The following DDX10 variants were observed in gnomAD, a reference collection of about 807,000 sequenced individuals.
DDX10 encodes the protein DEAD-box helicase 10.
DDX10 carries 74 observed loss-of-function variants against 104.3 expected under a neutral mutation model. The ratio of observed to expected loss-of-function variants is 0.71; its 90% confidence interval spans 0.59 to 0.86. The LOEUF is 0.86. DDX10 is among the 40% of genes least tolerant of loss of function. The probability of loss-of-function intolerance (pLI) is 0.00; values close to 1 mark genes in which losing one functional copy is unlikely to be tolerated. For synonymous variants in DDX10, 351 were observed against 353.4 expected (o/e 0.99, Z 0.08); for missense variants, 952 against 1,040.0 (o/e 0.92, Z 1.16).
chr11:108,855,546 G>A (rs994312188), intron 16 of DDX10, among the ~76,000 whole-genome samples: 5 of 152,076 alleles, frequency 3.3e-5, no homozygotes, highest in African/African-American at 4.8e-5. Context: ...TGCAACCTCC[G>A]CCTCCCAGGT....
intron 13 of DDX10, among the ~76,000 whole-genome samples, chr11:108,778,066 C>T (rs1219864649): frequency 1.3e-5 from 2 of 152,214 alleles, no homozygotes; most frequent in African/African-American, 4.8e-5. Context: ...CATGGAAGAA[C>T]ATTGCATGCT....
intron 13 of DDX10, among the ~76,000 whole-genome samples, chr11:108,736,950 C>T (rs991309017): frequency 3.9e-5 from 6 of 152,160 alleles, no homozygotes; most frequent in African/African-American, 1.2e-4. Flanking sequence ...ATATAGGCTT[C>T]TGTAGGCACA....
At chr11:108,890,902 G>A (rs1426019482) in intron 16 of DDX10, among the ~76,000 whole-genome samples, 1 of 152,152 alleles carries the variant, frequency 6.6e-6, no homozygotes, top group Admixed American at 6.5e-5. Flanking sequence ...GCTCTGAACT[G>A]CTAGATGTGA....
chr11:108,928,435 C>T (rs1424971111), intron 17 of DDX10, among the ~76,000 whole-genome samples: 1 of 152,110 alleles, frequency 6.6e-6, no homozygotes, highest in Non-Finnish European at 1.5e-5. Context: ...AGACTGAATG[C>T]CTTGCCCACA....
At chr11:108,840,746 T>C (rs931452210) in intron 14 of DDX10, among the ~76,000 whole-genome samples, 2 of 152,242 alleles carry the variant, frequency 1.3e-5, no homozygotes, top group African/African-American at 4.8e-5. Flanking sequence ...TGGTATGTGA[T>C]TCATTGATCC....
At chr11:108,868,543 A>G (rs1304115056) in intron 16 of DDX10, among the ~76,000 whole-genome samples, 4 of 152,144 alleles carry the variant, frequency 2.6e-5, no homozygotes, top group African/African-American at 7.2e-5. Flanking sequence ...TTTTTATAAA[A>G]TGATGGTCAC....
At chr11:108,695,370 G>A (rs1056185264) in intron 9 of DDX10, among the ~76,000 whole-genome samples, 5 of 152,188 alleles carry the variant, frequency 3.3e-5, no homozygotes. Flanking sequence ...CTGGACCAAT[G>A]GTTGCTTCCA....
chr11:108,669,476 C>T (rs1441817060), intron 1 of DDX10, among the ~76,000 whole-genome samples: 2 of 152,068 alleles, frequency 1.3e-5, no homozygotes, highest in Non-Finnish European at 2.9e-5. Context: ...TGGGGAAATA[C>T]AGAGAGGTGA....
rs1302367984 is a variant in DDX10, at chr11:108,680,715, C to G, written c.848+1155C>G. ...TTTCTTCTTGCTCTGAAATGTTAGCCTAAAAAGAAATAGATTTGGAAAATG... is the reference window on the plus strand; with the variant it reads ...TTTCTTCTTGCTCTGAAATGTTAGCGTAAAAAGAAATAGATTTGGAAAATG... On this transcript the variant is annotated intron_variant, in intron 6 of 17. Coordinates refer to ENST00000322536, the MANE Select transcript of DDX10 (RefSeq NM_004398.4). 7.9e-5 allele frequency among the ~76,000 whole-genome samples: 12 copies of G among 151,998 alleles called. 1 individual carries two copies. The highest frequency in any genetic ancestry group is 7.9e-4 in the Admixed American group (12 of 15,260).
At chr11:108,847,534 C>T (rs916853148) in intron 15 of DDX10, among the ~76,000 whole-genome samples, 3 of 152,164 alleles carry the variant, frequency 2.0e-5, no homozygotes, top group Admixed American at 6.5e-5. Flanking sequence ...CAGCATTACT[C>T]TAGGTTCCAT....
rs185894770 is a variant in DDX10 at position 108,929,415 on chromosome 11, C to T, written c.2451-10831C>T. The T allele has an allele frequency of 7.2e-5, 11 of 152,278 alleles. No individual in the cohort carries two copies. In the East Asian group the frequency reaches 1.7e-3, roughly 24 times the overall value. 9.4% of individuals were successfully genotyped at this position (152,278 alleles called of 1,614,324 possible). A position where few individuals can be genotyped will look rare whatever the true frequency, so the allele number is the denominator to read the frequency against. ...ATCCTAGTGTTCTAAGCATGGTTTG[C>T]GTAGACAATTATTATTTAAATATTT... is the stretch of plus-strand genomic sequence containing the variant. On this transcript the variant is annotated intron_variant, in intron 17 of 17. Coordinates refer to ENST00000322536, the MANE Select transcript of DDX10 (RefSeq NM_004398.4).
At chr11:108,874,906 G>A (rs1248804549) in intron 16 of DDX10, among the ~76,000 whole-genome samples, 1 of 152,118 alleles carries the variant, frequency 6.6e-6, no homozygotes. Context: ...GAATCAGAAT[G>A]TCTGGGTTTG....
intron 17 of DDX10, among the ~76,000 whole-genome samples, chr11:108,934,975 G>T (rs1864019385): frequency 6.6e-6 from 1 of 152,030 alleles, no homozygotes; most frequent in Admixed American, 6.6e-5. Context: ...CCATTGAAAT[G>T]TTGCCTTTTT....
At chr11:108,771,694 ATTGTT>A (rs2094363393) in intron 13 of DDX10, among the ~76,000 whole-genome samples, 1 of 152,142 alleles carries the variant, frequency 6.6e-6, no homozygotes, top group Non-Finnish European at 1.5e-5. Context: ...ATGGTCTCTT[ATTGTT>A]TATCTAAATG....
intron 17 of DDX10, among the ~76,000 whole-genome samples, chr11:108,927,986 C>T (rs1863929807): frequency 6.6e-6 from 1 of 152,166 alleles, no homozygotes; most frequent in Non-Finnish European, 1.5e-5. Flanking sequence ...TGTGTCCTCG[C>T]AGCCCAGGAA....
At chr11:108,809,107 T>A (rs1393280494) in intron 13 of DDX10, among the ~76,000 whole-genome samples, 1 of 152,106 alleles carries the variant, frequency 6.6e-6, no homozygotes, top group Non-Finnish European at 1.5e-5. Context: ...TATTGGTTGA[T>A]CTATTAAAAC....
At chr11:108,762,250 G>C (rs1028443837) in intron 13 of DDX10, among the ~76,000 whole-genome samples, 6 of 152,130 alleles carry the variant, frequency 3.9e-5, no homozygotes, top group African/African-American at 1.4e-4. Flanking sequence ...AAATAGATAA[G>C]CGGCCCCTAT....
intron 13 of DDX10, among the ~76,000 whole-genome samples, chr11:108,776,386 G>T (rs1445078365): frequency 6.6e-6 from 1 of 152,056 alleles, no homozygotes; most frequent in Non-Finnish European, 1.5e-5. Context: ...TCTGTTTTGG[G>T]ATTCTTAATT....
chr11:108,756,388 AC>A (rs2094344511), intron 13 of DDX10, among the ~76,000 whole-genome samples: 1 of 152,072 alleles, frequency 6.6e-6, no homozygotes, highest in African/African-American at 2.4e-5. Context: ...GATTGCAAAC[AC>A]AATGGAGTTT....
Sources: gnomAD v4.1 joint callset for allele counts (sites outside exome capture counted in the v4.1 genomes callset) on GRCh38, gnomAD v4.1.1 for gene constraint, MANE v1.5 for transcripts, NCBI Gene and HGNC (gene_info 2026-07-23, HGNC 2026-07-21) for gene names.